Variants in PDE1A observed in about 807,000 individuals in gnomAD.
PDE1A encodes dual specificity calcium/calmodulin-dependent 3',5'-cyclic nucleotide phosphodiesterase 1A.
Under a neutral mutation model 61.7 loss-of-function variants are expected in PDE1A, and 35 were observed. The ratio of observed to expected loss-of-function variants is 0.57; its 90% CI spans 0.43 to 0.75. PDE1A has a LOEUF of 0.75. Ranked by LOEUF, PDE1A falls within the 30% of genes least tolerant of loss-of-function variation. The pLI is 0.00. For synonymous variants in PDE1A, 232 were observed against 213.2 expected (o/e 1.09, Z -0.77); for missense variants, 597 against 630.6 (o/e 0.95, Z 0.57).
At chr2:182,179,881 G>A (rs12612546) in intron 13 of PDE1A, among the ~76,000 whole-genome samples, 113,360 of 152,060 alleles carry the variant, frequency 0.75, 42,499 homozygotes, top group East Asian at 0.91. Context: ...TAGGTCAACA[G>A]TCTCTCCCTG....
At chr2:182,596,293 C>G in the PDE1A span, among the ~76,000 whole-genome samples, 3 of 152,088 alleles carry the variant, frequency 2.0e-5, no homozygotes, top group South Asian at 6.2e-4. Flanking sequence ...GACAAGCAGC[C>G]CTTCAGGCAA....
the PDE1A span, among the ~76,000 whole-genome samples, chr2:182,538,345 G>A: frequency 6.6e-5 from 10 of 152,226 alleles, no homozygotes; most frequent in South Asian, 4.1e-4. Context: ...ATATAGAACA[G>A]TGTTTGAAAT....
At chr2:182,276,190 A>G (rs1310030878) in intron 1 of PDE1A, among the ~76,000 whole-genome samples, 1 of 151,966 alleles carries the variant, frequency 6.6e-6, no homozygotes. Context: ...TAATAAAGAC[A>G]TGGCTCTCAT....
downstream of PDE1A, among the ~76,000 whole-genome samples, chr2:182,163,149 T>C (rs1691478235): frequency 6.6e-6 from 1 of 152,186 alleles, no homozygotes; most frequent in African/African-American, 2.4e-5. Context: ...CAATGGCTTA[T>C]TGTAAGCTTA....
intron 2 of PDE1A, among the ~76,000 whole-genome samples, chr2:182,435,879 T>C (rs1684368568): frequency 6.6e-6 from 1 of 152,058 alleles, no homozygotes; most frequent in East Asian, 1.9e-4. Flanking sequence ...TATGAATAAA[T>C]GTTCAGAGCT....
At chr2:182,692,042 G>A in the PDE1A span, among the ~76,000 whole-genome samples, 2 of 152,188 alleles carry the variant, frequency 1.3e-5, no homozygotes, top group East Asian at 3.9e-4. Context: ...TGGAGAGGAT[G>A]TGGAGATATA....
At chr2:182,367,600 A>G (rs1256894172) in intron 1 of PDE1A, among the ~76,000 whole-genome samples, 2 of 152,106 alleles carry the variant, frequency 1.3e-5, no homozygotes, top group Admixed American at 6.6e-5. Flanking sequence ...ATCCTGACAA[A>G]TTAATGTGGC....
At chr2:182,281,346 T>C (rs900147679) in intron 1 of PDE1A, among the ~76,000 whole-genome samples, 1 of 151,982 alleles carries the variant, frequency 6.6e-6, no homozygotes, top group African/African-American at 2.4e-5. Context: ...GAGTGCTTTG[T>C]CTTAGTGATG....
At chr2:182,267,494 T>TA (rs146883641) in intron 1 of PDE1A, among the ~76,000 whole-genome samples, 3,587 of 151,556 alleles carry the variant, frequency 0.024, 78 homozygotes, top group East Asian at 0.11. Flanking sequence ...AAAGACTGGA[T>TA]AGAAATGTAT....
At chr2:182,490,958 T>C (rs1688349835) in intron 2 of PDE1A, among the ~76,000 whole-genome samples, 1 of 151,960 alleles carries the variant, frequency 6.6e-6, no homozygotes, top group South Asian at 2.1e-4. Flanking sequence ...CTCAACAAAG[T>C]AGGAAGCAGG....
At chr2:182,154,200 T>A (rs116673650) in intron 13 of PDE1A, among the ~76,000 whole-genome samples, 1 of 152,166 alleles carries the variant, frequency 6.6e-6, no homozygotes, top group African/African-American at 2.4e-5. Context: ...TTCAATTGCC[T>A]TTAGTAAAAA....
intron 1 of PDE1A, among the ~76,000 whole-genome samples, chr2:182,403,555 C>G (rs1361386882): frequency 6.8e-6 from 1 of 148,104 alleles, no homozygotes; most frequent in Admixed American, 6.9e-5. Context: ...GCCGAGATCG[C>G]GCCACTGCAC....
intron 1 of PDE1A, among the ~76,000 whole-genome samples, chr2:182,321,188 G>C (rs769153160): frequency 2.0e-5 from 3 of 152,102 alleles, no homozygotes; most frequent in Non-Finnish European, 4.4e-5. Context: ...CAGGAATAAT[G>C]GCATTTTCCA....
intron 1 of PDE1A, among the ~76,000 whole-genome samples, chr2:182,379,087 T>G (rs1269339161): frequency 6.6e-6 from 1 of 152,190 alleles, no homozygotes; most frequent in Non-Finnish European, 1.5e-5. Context: ...AAGGATGAAA[T>G]AGTTTTGTGT....
intron 7 of PDE1A, among the ~76,000 whole-genome samples, chr2:182,209,174 G>T (rs901470925): frequency 6.6e-6 from 1 of 152,126 alleles, no homozygotes; most frequent in Non-Finnish European, 1.5e-5. Context: ...TGGACTTACA[G>T]TTCCACATGG....
chr2:182,451,549 A>C (rs1685521929), intron 2 of PDE1A, among the ~76,000 whole-genome samples: 1 of 152,086 alleles, frequency 6.6e-6, no homozygotes, highest in African/African-American at 2.4e-5. Flanking sequence ...TAGCTCTTTA[A>C]GCCTTTTTTA....
intron 2 of PDE1A, among the ~76,000 whole-genome samples, chr2:182,457,133 C>T (rs1056547039): frequency 6.6e-6 from 1 of 152,036 alleles, no homozygotes; most frequent in Non-Finnish European, 1.5e-5. Context: ...GCGAGGTGTG[C>T]TCCATCTCAA....
At chr2:182,456,961 T>C (rs1252594834) in intron 2 of PDE1A, among the ~76,000 whole-genome samples, 1 of 152,110 alleles carries the variant, frequency 6.6e-6, no homozygotes, top group Non-Finnish European at 1.5e-5. Context: ...ACTAAATGCC[T>C]GTGGTTAATC....
intron 2 of PDE1A, among the ~76,000 whole-genome samples, chr2:182,456,157 A>G (rs1039043033): frequency 2.0e-5 from 3 of 152,064 alleles, no homozygotes; most frequent in Non-Finnish European, 2.9e-5. Flanking sequence ...GTTCTCTAAC[A>G]TATTATACTA....
Sources: allele counts gnomAD v4.1 joint callset (sites outside exome capture counted in the v4.1 genomes callset), GRCh38; gene constraint gnomAD v4.1.1; transcripts MANE v1.5; gene names NCBI Gene and HGNC (gene_info 2026-07-23, HGNC 2026-07-21).